The following CSMD1 variants were observed in gnomAD, a reference collection of about 807,000 sequenced individuals.
The protein encoded by CSMD1 is CUB and sushi domain-containing protein 1.
In CSMD1, 213 loss-of-function variants were observed where a neutral mutation model predicts 417.5. The observed-to-expected ratio is 0.51, with a 90% CI of 0.46 to 0.57. CSMD1 has a LOEUF of 0.57. Ranked by LOEUF, CSMD1 falls within the 20% of genes least tolerant of loss-of-function variation. The probability of loss-of-function intolerance (pLI) is 0.00; values close to 1 mark genes in which losing one functional copy is unlikely to be tolerated. For synonymous variants in CSMD1, 2,862 were observed against 1,736.8 expected, an observed-to-expected ratio of 1.65 and a Z score of -16.11; for missense variants, 6,923 against 4,529.7, an observed-to-expected ratio of 1.53 and a Z score of -15.17.
At chr8:2,969,808 G>C (rs1164716551) in intron 57 of CSMD1, among the ~76,000 whole-genome samples, 1 of 152,078 alleles carries the variant, frequency 6.6e-6, no homozygotes, top group African/African-American at 2.4e-5. Context: ...ATTTTTGCTG[G>C]TGTGTGTGTG....
At chr8:4,437,170 A>C (rs985740632) in intron 2 of CSMD1, among the ~76,000 whole-genome samples, 3 of 152,198 alleles carry the variant, frequency 2.0e-5, no homozygotes, top group African/African-American at 7.2e-5. Flanking sequence ...ATCCAACAAA[A>C]CAAAGCAAAA....
At chr8:3,382,264 T>A (rs1810675041) in intron 18 of CSMD1, among the ~76,000 whole-genome samples, 2 of 150,832 alleles carry the variant, frequency 1.3e-5, no homozygotes, top group Admixed American at 1.3e-4. Context: ...TTATTTGCAT[T>A]CTTCTGATTC....
chr8:3,664,147 A>T (rs994085940), intron 7 of CSMD1, among the ~76,000 whole-genome samples: 1 of 152,040 alleles, frequency 6.6e-6, no homozygotes, highest in East Asian at 1.9e-4. Context: ...TCGTCATTTA[A>T]CATTAGGTAT....
intron 1 of CSMD1, among the ~76,000 whole-genome samples, chr8:4,881,228 A>G (rs1185492087): frequency 6.6e-6 from 1 of 152,144 alleles, no homozygotes; most frequent in East Asian, 1.9e-4. Context: ...CCATTCTAGT[A>G]CTTCTCACTG....
At chr8:3,441,608 A>G (rs1346858045) in intron 12 of CSMD1, among the ~76,000 whole-genome samples, 1 of 151,418 alleles carries the variant, frequency 6.6e-6, no homozygotes, top group Non-Finnish European at 1.5e-5. Context: ...GTAGTTAAAA[A>G]CCTCCTATCA....
chr8:4,236,556 C>A (rs1802075897), intron 3 of CSMD1, among the ~76,000 whole-genome samples: 1 of 152,094 alleles, frequency 6.6e-6, no homozygotes, highest in South Asian at 2.1e-4. Context: ...AAAAATTCAA[C>A]GTGATAGAAA....
At chr8:4,338,310 A>T (rs973030419) in intron 3 of CSMD1, among the ~76,000 whole-genome samples, 6 of 152,152 alleles carry the variant, frequency 3.9e-5, no homozygotes, top group Non-Finnish European at 7.4e-5. Flanking sequence ...ATAGTTAGTT[A>T]CACATTTACC....
chr8:4,854,612 G>A (rs1256158179), intron 1 of CSMD1, among the ~76,000 whole-genome samples: 1 of 152,174 alleles, frequency 6.6e-6, no homozygotes. Flanking sequence ...AAGCGGAAGG[G>A]GTCAGGGAGT....
At chr8:3,787,261 T>A (rs1280044401) in intron 5 of CSMD1, among the ~76,000 whole-genome samples, 2 of 152,134 alleles carry the variant, frequency 1.3e-5, no homozygotes, top group African/African-American at 4.8e-5. Flanking sequence ...AAAAAACTTG[T>A]GAGTTGTGAA....
intron 23 of CSMD1, among the ~76,000 whole-genome samples, chr8:3,329,547 C>T (rs918430006): frequency 6.6e-6 from 1 of 152,160 alleles, no homozygotes; most frequent in Non-Finnish European, 1.5e-5. Flanking sequence ...AGTTCCCTTC[C>T]CAAGGCCTAT....
intron 3 of CSMD1, among the ~76,000 whole-genome samples, chr8:4,266,305 A>G (rs1322606651): frequency 9.5e-6 from 1 of 105,090 alleles, no homozygotes; most frequent in African/African-American, 2.6e-5. Context: ...TGTAAGAGAA[A>G]CTGTCCAGGT....
chr8:3,117,291 T>A (rs1487963281), intron 42 of CSMD1, among the ~76,000 whole-genome samples: 1 of 152,182 alleles, frequency 6.6e-6, no homozygotes, highest in African/African-American at 2.4e-5. Flanking sequence ...CAGGATGGTC[T>A]TGATCTCCTG....
chr8:3,942,174 G>C (rs1178727654), intron 5 of CSMD1, among the ~76,000 whole-genome samples: 2 of 151,842 alleles, frequency 1.3e-5, no homozygotes, highest in Admixed American at 6.6e-5. Context: ...GGAAAACAAG[G>C]TGTGGGCTCC....
At chr8:4,488,690 G>C (rs896663734) in intron 2 of CSMD1, among the ~76,000 whole-genome samples, 5 of 151,882 alleles carry the variant, frequency 3.3e-5, no homozygotes, top group South Asian at 2.1e-4. Flanking sequence ...GCGGTGGGGG[G>C]GGTGAAAAGT....
chr8:4,994,594 A>G lies in CSMD1; in HGVS notation c.-178T>C, dbSNP rs932602706. The G allele has an allele frequency of 2.4e-5, 15 of 613,834 alleles. No individual in the cohort carries two copies. The highest frequency in any genetic ancestry group is 1.8e-4 in the African/African-American group (10 of 54,406). The allele number at this position is 613,834 out of a possible 1,614,324, so 38.0% of individuals were successfully genotyped here. A position where few individuals can be genotyped will look rare whatever the true frequency, so the allele number is the denominator to read the frequency against. ...TGGGCGCCCGGCTCGCTTCCCTCTC[A>G]TAGCATCGGGTCCCGAGCCACTGCA... On this transcript the variant is annotated 5_prime_UTR_variant, in exon 1 of 70. An upstream start codon of the reference 5' UTR is lost. Coordinates refer to ENST00000635120, the MANE Select transcript of CSMD1 (RefSeq NM_033225.6).
At chr8:4,477,547 C>A (rs949217829) in intron 2 of CSMD1, among the ~76,000 whole-genome samples, 1 of 152,192 alleles carries the variant, frequency 6.6e-6, no homozygotes, top group African/African-American at 2.4e-5. Context: ...ATGACACACA[C>A]AGTTTAAATG....
intron 2 of CSMD1, among the ~76,000 whole-genome samples, chr8:4,488,339 C>G (rs1202766542): frequency 6.6e-6 from 1 of 151,970 alleles, no homozygotes; most frequent in Non-Finnish European, 1.5e-5. Flanking sequence ...TTATGATATC[C>G]AAGTGTATTC....
intron 7 of CSMD1, among the ~76,000 whole-genome samples, chr8:3,634,873 C>T (rs924316169): frequency 3.9e-5 from 6 of 152,080 alleles, no homozygotes; most frequent in Non-Finnish European, 7.3e-5. Context: ...TTGCCCAATC[C>T]TAGATAGTAG....
At chr8:4,874,537 C>T (rs1802927943) in intron 1 of CSMD1, among the ~76,000 whole-genome samples, 1 of 151,592 alleles carries the variant, frequency 6.6e-6, no homozygotes, top group African/African-American at 2.4e-5. Flanking sequence ...TTACGGGTGC[C>T]TGCCACCTCT....
Sources: gnomAD v4.1 joint callset for allele counts (sites outside exome capture counted in the v4.1 genomes callset) on GRCh38, gnomAD v4.1.1 for gene constraint, MANE v1.5 for transcripts, NCBI Gene and HGNC (gene_info 2026-07-23, HGNC 2026-07-21) for gene names.